Variants in NBPF3 observed in about 807,000 individuals in gnomAD.
The protein encoded by NBPF3 is NBPF member 3.
A neutral mutation model predicts 78.1 loss-of-function variants in NBPF3; 57 were observed. The ratio of observed to expected loss-of-function variants is 0.73; its 90% CI spans 0.59 to 0.91. The LOEUF (loss-of-function observed/expected upper bound fraction) is 0.91, where lower values mean the gene tolerates loss of function less well. Ranked by LOEUF, NBPF3 falls within the 40% of genes least tolerant of loss-of-function variation. The pLI, the probability that NBPF3 is intolerant of heterozygous loss-of-function variation, is 0.00. For missense variants in NBPF3, 510 were observed against 715.3 expected (o/e 0.71, Z 3.27); for synonymous variants, 182 against 271.7 (o/e 0.67, Z 3.25).
intron 1 of NBPF3, among the ~76,000 whole-genome samples, chr1:21,443,577 T>C (rs779935615): frequency 6.6e-6 from 1 of 152,208 alleles, no homozygotes; most frequent in Non-Finnish European, 1.5e-5. Context: ...ATATAAACAA[T>C]AGTATTCTAC....
Position 21,473,518 on chromosome 1 carries a change from A to G in NBPF3, c.873A>G (p.Gln291=), listed in dbSNP as rs1472516563. 6.2e-7 allele frequency: 1 copy of G among 1,614,086 alleles called. No homozygotes were observed. The highest frequency in any genetic ancestry group is 1.3e-5 in the African/African-American group (1 of 74,920). Residue 291 remains glutamine (Q), a synonymous_variant, in exon 7 of 15, where the codon CAA becomes CAG. Coordinates refer to ENST00000318249, the MANE Select transcript of NBPF3 (RefSeq NM_032264.6). ...GNTRITFEED[Q]VDSTLIDSSS... ...CCAGAATCACATTTGAGGAAGACCA[A>G]GTCGACTCAACTCTCATTGACTCAT...
intron 2 of NBPF3, chr1:21,449,765 G>C (rs1163606002): frequency 8.6e-5 from 15 of 174,278 alleles, no homozygotes; most frequent in Non-Finnish European, 5.7e-5. Flanking sequence ...ACCACGGCCT[G>C]ACCTGAACCA....
chr1:21,462,406 A>G (rs1004976900), intron 2 of NBPF3, among the ~76,000 whole-genome samples: 2 of 152,196 alleles, frequency 1.3e-5, no homozygotes, highest in Admixed American at 6.5e-5. Context: ...CTGTGCCTTT[A>G]GGTTTTTTGC....
chr1:21,478,009 T>A, intron 8 of NBPF3, 135 bp from the exon 9 acceptor site: 1 of 1,588,054 alleles, frequency 6.3e-7, no homozygotes, highest in Non-Finnish European at 8.6e-7. Flanking sequence ...GATAGTTTTA[T>A]TTCTCTTGAA....
At chr1:21,478,346 A>T in intron 9 of NBPF3, 39 bp downstream of exon 9, 1 of 1,603,308 alleles carries the variant, frequency 6.2e-7, no homozygotes, top group Non-Finnish European at 8.5e-7. Flanking sequence ...GCTCCAGTTC[A>T]TGTCCCAGGT....
chr1:21,479,477 C>G, intron 10 of NBPF3, 77 bp downstream of exon 10: 1 of 1,269,258 alleles, frequency 7.9e-7, no homozygotes, highest in Non-Finnish European at 1.1e-6. Context: ...GCAGTACATG[C>G]TGAAAATGAT....
At chr1:21,463,352 G>A (rs1388699916) in intron 2 of NBPF3, among the ~76,000 whole-genome samples, 3 of 152,208 alleles carry the variant, frequency 2.0e-5, no homozygotes, top group African/African-American at 7.2e-5. Flanking sequence ...CAAAGTCAGT[G>A]GAAGGATATC....
In NBPF3 at chr1:21,483,985, G is replaced by C. The variant is rs1198838816; in HGVS notation, c.*599G>C. The C allele has an allele frequency of 6.5e-6, 1 of 153,750 alleles. No individual in the cohort carries two copies. The highest frequency in any genetic ancestry group is 1.4e-5 in the Non-Finnish European group (1 of 69,500). The allele number at this position is 153,750 out of a possible 1,614,324, so 9.5% of individuals were successfully genotyped here. The stretch of plus-strand genomic sequence containing the variant: ...ATACTTAGGAAGACCACAGCTAGAC[G>C]GACAAACAGCATTGGGAGGCCTTAG... On this transcript the variant is annotated 3_prime_UTR_variant, in exon 15 of 15. Coordinates refer to ENST00000318249, the MANE Select transcript of NBPF3 (RefSeq NM_032264.6).
At position 21,468,774 on chromosome 1, in the gene NBPF3, C is replaced by T; in HGVS notation, c.220C>T (p.Leu74=). 2 of 1,613,890 alleles carry T rather than the reference C, an allele frequency of 1.2e-6. No individual in the cohort carries two copies. Among genetic ancestry groups the T allele is most frequent in the Non-Finnish European group, 8.5e-7 (1 of 1,179,838 alleles). The change falls in exon 3 of 15, where the codon CTA becomes TTA. Residue 74 remains leucine (L), a synonymous_variant. Coordinates refer to ENST00000318249, the MANE Select transcript of NBPF3 (RefSeq NM_032264.6). ...CGGTGAGAAGGCAGAGATGAACATT[C>T]TAGAAATCAACAAGAAATCGCGCCC... is the stretch of plus-strand genomic sequence containing the variant. ...WSGEKAEMNI[L]EINKKSRPQL...
chr1:21,437,376 T>C (rs942677046), upstream of NBPF3: 93 of 721,170 alleles, frequency 1.3e-4, no homozygotes, highest in Non-Finnish European at 3.8e-5. Context: ...CAGAGGGTGG[T>C]GAGAGCACAT....
At chr1:21,447,608 T>G (rs1210569664) in intron 2 of NBPF3, among the ~76,000 whole-genome samples, 1 of 152,226 alleles carries the variant, frequency 6.6e-6, no homozygotes, top group East Asian at 1.9e-4. Flanking sequence ...CAGTGAATCA[T>G]ATTTCGTTGT....
intron 4 of NBPF3, among the ~76,000 whole-genome samples, chr1:21,471,243 G>C (rs777293560): frequency 6.6e-6 from 1 of 152,114 alleles, no homozygotes; most frequent in Non-Finnish European, 1.5e-5. Context: ...GTATATGCAC[G>C]TGGAAATGTC....
In NBPF3 at chr1:21,480,343, G is replaced by A; in HGVS notation, c.1381+120G>A. 5.5e-6 allele frequency: 3 copies of A among 545,636 alleles called. 1 individual carries two copies. The highest frequency in any genetic ancestry group is 1.8e-5 in the African/African-American group (1 of 54,626). 33.8% of individuals were successfully genotyped at this position (545,636 alleles called of 1,614,324 possible). ...TGTCATTGCCACAGGCAGGACCCGT[G>A]GGCGCATAGAGGTTGTAATGAAATT... On this transcript the variant is annotated intron_variant, in intron 11 of 14. Coordinates refer to ENST00000318249, the MANE Select transcript of NBPF3 (RefSeq NM_032264.6).
chr1:21,447,192 A>C (rs1020677686), intron 2 of NBPF3, among the ~76,000 whole-genome samples: 18 of 152,162 alleles, frequency 1.2e-4, no homozygotes, highest in African/African-American at 4.3e-4. Flanking sequence ...CCTCCACACA[A>C]TTTCTCCTAT....
In NBPF3 at chr1:21,444,967, T is replaced by C. The variant is rs1157332785; in HGVS notation, c.-120T>C. 25 of 1,108,976 alleles carry C rather than the reference T, an allele frequency of 2.3e-5. No homozygotes were observed. Among genetic ancestry groups the C allele is most frequent in the Non-Finnish European group, 2.8e-5 (22 of 790,874 alleles). The allele number at this position is 1,108,976 out of a possible 1,614,324, so 68.7% of individuals were successfully genotyped here. On this transcript the variant is annotated 5_prime_UTR_variant, in exon 2 of 15. Coordinates refer to ENST00000318249, the MANE Select transcript of NBPF3 (RefSeq NM_032264.6). ...TCACAGGCAATCTGAAGGCAAATCC[T>C]GTTTAGACCCAGGCGAAGGTTCCTG...
intron 8 of NBPF3, among the ~76,000 whole-genome samples, chr1:21,477,596 T>C (rs1429171682): frequency 6.6e-6 from 1 of 152,210 alleles, no homozygotes; most frequent in Non-Finnish European, 1.5e-5. Context: ...TTTCTTGGTG[T>C]CACCTGTTCT....
At chr1:21,458,299 G>C (rs1641749603) in intron 2 of NBPF3, among the ~76,000 whole-genome samples, 1 of 151,296 alleles carries the variant, frequency 6.6e-6, no homozygotes, top group Admixed American at 6.6e-5. Context: ...TAAGGCCCAG[G>C]AAAAGCCCAG....
chr1:21,474,775 C>G (rs1642801449), intron 7 of NBPF3, 125 bp from the exon 8 acceptor site: 1 of 912,194 alleles, frequency 1.1e-6, no homozygotes. Flanking sequence ...CTGGAGTGCT[C>G]CTGTCAGAAT....
chr1:21,457,396 G>GTATATATGTATGTA (rs1641684548), intron 2 of NBPF3, among the ~76,000 whole-genome samples: 1 of 149,972 alleles, frequency 6.7e-6, no homozygotes, highest in Admixed American at 6.7e-5. Context: ...ATATATGTAT[G>GTATATATGTATGTA]TATATATATG....
Sources: allele counts gnomAD v4.1 joint callset (sites outside exome capture counted in the v4.1 genomes callset), GRCh38; gene constraint gnomAD v4.1.1; transcripts MANE v1.5; gene names NCBI Gene and HGNC (gene_info 2026-07-23, HGNC 2026-07-21).